MMP24: variants seen among roughly 807,000 people sequenced by gnomAD.
The protein encoded by MMP24 is matrix metallopeptidase 24, also known as matrix metalloproteinase-24.
MMP24 carries 25 observed loss-of-function variants against 62.8 expected under a neutral mutation model. That is an observed-to-expected ratio of 0.40 (90% CI 0.29 to 0.56). The LOEUF (loss-of-function observed/expected upper bound fraction) is 0.56. MMP24 is among the 20% of genes least tolerant of loss of function. The probability of loss-of-function intolerance (pLI) is 0.50; values close to 1 mark genes in which losing one functional copy is unlikely to be tolerated. For synonymous variants in MMP24, 319 were observed against 350.5 expected (o/e 0.91, Z 1.00); for missense variants, 634 against 853.6 (o/e 0.74, Z 3.21).
intron 2 of MMP24, among the ~76,000 whole-genome samples, chr20:35,249,343 T>C (rs1600785319): frequency 6.6e-6 from 1 of 152,222 alleles, no homozygotes; most frequent in Non-Finnish European, 1.5e-5. Context: ...AGTGTCGCCT[T>C]GGGAAATGTC....
chr20:35,257,120 C>A (rs968318740), intron 4 of MMP24, among the ~76,000 whole-genome samples: 1 of 152,136 alleles, frequency 6.6e-6, no homozygotes, highest in Non-Finnish European at 1.5e-5. Context: ...GGGATCACCT[C>A]CTTGAGAACA....
chr20:35,240,529 C>T (rs2060484303), intron 1 of MMP24, among the ~76,000 whole-genome samples: 1 of 152,050 alleles, frequency 6.6e-6, no homozygotes, highest in Admixed American at 6.6e-5. Context: ...GAGATGAAAG[C>T]AAGGTCATTC....
At position 35,275,710 on chromosome 20, in the gene MMP24, CT is replaced by C; in HGVS notation, c.*1102del. On this transcript the variant is annotated 3_prime_UTR_variant, in exon 9 of 9. Coordinates refer to ENST00000246186, the MANE Select transcript of MMP24 (RefSeq NM_006690.4). ...TCTGAAGTGCTCAGTGCCCCCACTA[CT>C]CTGAGGCCGACTCCAGCTACTCTGA... The C allele has an allele frequency of 7.6e-6, 2 of 262,718 alleles. No homozygotes were observed. Among genetic ancestry groups the C allele is most frequent in the Non-Finnish European group, 1.4e-5 (2 of 140,398 alleles). 16.3% of individuals were successfully genotyped at this position (262,718 alleles called of 1,614,324 possible).
chr20:35,251,264 GT>G (rs1404940250), intron 2 of MMP24, among the ~76,000 whole-genome samples: 10 of 151,926 alleles, frequency 6.6e-5, no homozygotes. Flanking sequence ...GATTACAAGT[GT>G]GAACCACTGC....
At chr20:35,265,129 C>T (rs2060626191) in intron 5 of MMP24, among the ~76,000 whole-genome samples, 2 of 152,196 alleles carry the variant, frequency 1.3e-5, no homozygotes, top group African/African-American at 4.8e-5. Context: ...GTCAAGGATG[C>T]CCCCAGGGTT....
chr20:35,269,174 C>T lies in MMP24; in HGVS notation c.1195-586C>T, dbSNP rs2060653781. ...TTAGCTGCCATTTACTCAACATGGA[C>T]TGTGTGCCCCGTACTGGTCTGGGCA... On this transcript the variant is annotated intron_variant, in intron 6 of 8. Coordinates refer to ENST00000246186, the MANE Select transcript of MMP24 (RefSeq NM_006690.4). The surrounding 1 kb of genome is among the most constrained non-coding windows in gnomAD (Gnocchi z 4.6). 6.6e-6 allele frequency among the ~76,000 whole-genome samples: 1 copy of T among 152,228 alleles called. No homozygotes were observed. The highest frequency in any genetic ancestry group is 1.5e-5 in the Non-Finnish European group (1 of 68,048).
chr20:35,248,155 TG>T (rs1003722721), intron 2 of MMP24, among the ~76,000 whole-genome samples: 1 of 152,012 alleles, frequency 6.6e-6, no homozygotes, highest in Non-Finnish European at 1.5e-5. Flanking sequence ...AGGGAGTTGG[TG>T]GGGGGAGGAA....
At position 35,276,211 on chromosome 20, in the gene MMP24, CTT is replaced by C. The variant is rs1323040988; in HGVS notation, c.*1603_*1604del. Reference sequence around the variant, plus strand: ...CTGGGAGCTGTCTCAAGCAAAATCTCTTGTCCCAGAGGTGCCCATGTGGGTCC... The same window carrying C: ...CTGGGAGCTGTCTCAAGCAAAATCTCGTCCCAGAGGTGCCCATGTGGGTCC... On this transcript the variant is annotated 3_prime_UTR_variant, in exon 9 of 9. Coordinates refer to ENST00000246186, the MANE Select transcript of MMP24 (RefSeq NM_006690.4). The C allele has an allele frequency of 2.5e-6, 1 of 398,796 alleles. No homozygotes were observed. The highest frequency in any genetic ancestry group is 4.4e-6 in the Non-Finnish European group (1 of 226,114). The allele number at this position is 398,796 out of a possible 1,614,324, so 24.7% of individuals were successfully genotyped here. A position where few individuals can be genotyped will look rare whatever the true frequency, so the allele number is the denominator to read the frequency against.
In MMP24 at chr20:35,269,211, ATC is replaced by A. The variant is rs1435884022; in HGVS notation, c.1195-544_1195-543del. 6.6e-6 allele frequency among the ~76,000 whole-genome samples: 1 copy of A among 152,250 alleles called. No homozygotes were observed. Among genetic ancestry groups the A allele is most frequent in the East Asian group, 1.9e-4 (1 of 5,180 alleles). On this transcript the variant is annotated intron_variant, in intron 6 of 8. Transcript: ENST00000246186. The surrounding 1 kb of genome is among the most constrained non-coding windows in gnomAD (Gnocchi z 4.6). ...TACTGGTCTGGGCATTTTGCCTAGAATCTCTCATCTGATTCTCCATTATTACC... is the reference window on the plus strand; with the variant it reads ...TACTGGTCTGGGCATTTTGCCTAGAATCTCATCTGATTCTCCATTATTACC...
At chr20:35,260,236 T>C (rs2060595368) in intron 4 of MMP24, among the ~76,000 whole-genome samples, 2 of 152,154 alleles carry the variant, frequency 1.3e-5, no homozygotes, top group Admixed American at 6.5e-5. Flanking sequence ...CAGGGCTCTC[T>C]TGGGTTTCTG....
chr20:35,228,546 T>C (rs2060424999), intron 1 of MMP24, among the ~76,000 whole-genome samples: 2 of 152,248 alleles, frequency 1.3e-5, no homozygotes, highest in South Asian at 4.1e-4. Context: ...TGATCTGACC[T>C]TGGCCCCCAT....
At chr20:35,266,179 A>T (rs1286467660) in intron 5 of MMP24, among the ~76,000 whole-genome samples, 7 of 143,160 alleles carry the variant, frequency 4.9e-5, no homozygotes, top group African/African-American at 1.8e-4. Flanking sequence ...CTCTGCTAAA[A>T]AAAAAAAAAA....
Position 35,269,673 on chromosome 20 carries a change from G to T in MMP24, c.1195-87G>T. The T allele has an allele frequency of 6.8e-7, 1 of 1,474,674 alleles. No homozygotes were observed. 91.3% of individuals were successfully genotyped at this position (1,474,674 alleles called of 1,614,324 possible). ...GACAGTCTCGGTGGAGGGCTGGGCTGTTGGGACCTAAGCCCCACAGCTGCA... is the reference window on the plus strand; with the variant it reads ...GACAGTCTCGGTGGAGGGCTGGGCTTTTGGGACCTAAGCCCCACAGCTGCA... On this transcript the variant is annotated intron_variant, in intron 6 of 8. Coordinates refer to ENST00000246186, the MANE Select transcript of MMP24 (RefSeq NM_006690.4). The surrounding 1 kb of genome is among the most constrained non-coding windows in gnomAD (Gnocchi z 4.6).
chr20:35,233,542 G>A (rs1256529297), intron 1 of MMP24, among the ~76,000 whole-genome samples: 1 of 152,114 alleles, frequency 6.6e-6, no homozygotes, highest in Non-Finnish European at 1.5e-5. Flanking sequence ...CTGAATGACT[G>A]AAATATTGAA....
chr20:35,270,657 C>T (rs6060338), intron 7 of MMP24, among the ~76,000 whole-genome samples: 11 of 152,254 alleles, frequency 7.2e-5, no homozygotes, highest in Non-Finnish European at 1.0e-4. Context: ...GGTTCTGGAG[C>T]GCGCCACTCA....
chr20:35,234,378 C>T (rs1290681846), intron 1 of MMP24, among the ~76,000 whole-genome samples: 1 of 152,310 alleles, frequency 6.6e-6, no homozygotes, highest in East Asian at 1.9e-4. Flanking sequence ...CTATCTCTCC[C>T]ACCGGCTGTA....
chr20:35,274,804 G>A lies in MMP24; in HGVS notation c.*195G>A, dbSNP rs1251958639. The A allele has an allele frequency of 1.7e-6, 1 of 605,466 alleles. No individual in the cohort carries two copies. Among genetic ancestry groups the A allele is most frequent in the African/African-American group, 1.9e-5 (1 of 54,000 alleles). The allele number at this position is 605,466 out of a possible 1,614,324, so 37.5% of individuals were successfully genotyped here. The stretch of plus-strand genomic sequence containing the variant: ...TTATGGGGGCTGTGCCCCAGGGTGG[G>A]TGTCTGGCACCCAGCTGCCAGCCTT... On this transcript the variant is annotated 3_prime_UTR_variant, in exon 9 of 9. Transcript: ENST00000246186. The surrounding 1 kb of genome is among the most constrained non-coding windows in gnomAD (Gnocchi z 5.1).
At chr20:35,237,039 C>T (rs369869871) in intron 1 of MMP24, among the ~76,000 whole-genome samples, 8 of 151,326 alleles carry the variant, frequency 5.3e-5, no homozygotes, top group African/African-American at 1.2e-4. Flanking sequence ...TGGAGCCAAG[C>T]GTCTCTGCCT....
chr20:35,227,637 T>C (rs2060420530), intron 1 of MMP24, among the ~76,000 whole-genome samples: 1 of 152,042 alleles, frequency 6.6e-6, no homozygotes, highest in African/African-American at 2.4e-5. Context: ...TCGGAGGGGA[T>C]TGGATGGAGG....
Sources: gnomAD v4.1 joint callset for allele counts (sites outside exome capture counted in the v4.1 genomes callset) on GRCh38, gnomAD v4.1.1 for gene constraint, Gnocchi (gnomAD v3.1) non-coding constraint, MANE v1.5 for transcripts, NCBI Gene and HGNC (gene_info 2026-07-23, HGNC 2026-07-21) for gene names.